SWT1: variants seen among roughly 807,000 people sequenced by gnomAD.
SWT1 encodes transcriptional protein SWT1.
SWT1 carries 33 observed loss-of-function variants against 107.3 expected under a neutral mutation model. The ratio of observed to expected loss-of-function variants is 0.31; its 90% confidence interval spans 0.23 to 0.41. SWT1 has a LOEUF of 0.41. SWT1 is among the 10% of genes least tolerant of loss of function. SWT1 has a pLI of 1.00. For missense variants in SWT1, 898 were observed against 1,028.9 expected (o/e 0.87, Z 1.74); for synonymous variants, 345 against 348.3 (o/e 0.99, Z 0.11).
chr1:185,281,069 G>C (rs1664589078), intron 18 of SWT1: 1 of 263,658 alleles, frequency 3.8e-6, no homozygotes. Context: ...CTGATTTTTA[G>C]ACCAAGATTA....
intron 4 of SWT1, among the ~76,000 whole-genome samples, chr1:185,169,704 G>C (rs1654884703): frequency 6.6e-6 from 1 of 151,740 alleles, no homozygotes; most frequent in African/African-American, 2.4e-5. Flanking sequence ...ACCAGCCTGG[G>C]CGATGTAGTG....
chr1:185,181,357 A>T (rs1484344541), intron 6 of SWT1, among the ~76,000 whole-genome samples: 2 of 152,212 alleles, frequency 1.3e-5, no homozygotes, highest in Non-Finnish European at 2.9e-5. Context: ...GCTCCTTGAT[A>T]GAAGAAAGAT....
chr1:185,209,177 AAGCATG>A (rs1216637992), intron 13 of SWT1, among the ~76,000 whole-genome samples: 2 of 152,144 alleles, frequency 1.3e-5, no homozygotes, highest in Non-Finnish European at 2.9e-5. Flanking sequence ...TCAGAAATGC[AAGCATG>A]AGCTCCCCTC....
intron 18 of SWT1, among the ~76,000 whole-genome samples, chr1:185,277,847 C>A (rs187009243): frequency 4.6e-5 from 7 of 151,608 alleles, no homozygotes; most frequent in Non-Finnish European, 5.9e-5. Flanking sequence ...TTATTTATAA[C>A]AAAAATAAGT....
chr1:185,267,912 T>C (rs748549888), intron 16 of SWT1, among the ~76,000 whole-genome samples: 13 of 152,232 alleles, frequency 8.5e-5, no homozygotes, highest in Non-Finnish European at 1.6e-4. Context: ...GAATTTTGTG[T>C]GGGGAATTAC....
intron 17 of SWT1, among the ~76,000 whole-genome samples, chr1:185,273,609 A>G (rs999447416): frequency 1.3e-5 from 2 of 151,870 alleles, no homozygotes; most frequent in Admixed American, 1.3e-4. Context: ...AGGCTGAGGC[A>G]GGAGAATTGC....
intron 16 of SWT1, among the ~76,000 whole-genome samples, chr1:185,260,924 G>A (rs927763091): frequency 6.6e-6 from 1 of 152,034 alleles, no homozygotes; most frequent in Admixed American, 6.5e-5. Flanking sequence ...ATTCTACAAA[G>A]TCTTTGGTTC....
intron 15 of SWT1, among the ~76,000 whole-genome samples, chr1:185,229,743 TATTCTCTTTTTAC>T (rs1392336728): frequency 1.3e-5 from 2 of 152,192 alleles, no homozygotes; most frequent in African/African-American, 4.8e-5. Flanking sequence ...GGGTATTACA[TATTCTCTTTTTAC>T]ATTCTCTTTT....
rs150328144 is a variant in SWT1, at chr1:185,196,291, T to A, written c.1523+5649T>A. ...TTGTTTTTGTCAGGTTTGTCAAAGA[T>A]CACATGGTTGTAGATGTTATTTCTG... is the stretch of plus-strand genomic sequence containing the variant. On this transcript the variant is annotated intron_variant, in intron 10 of 18. Transcript: ENST00000367500. Among the ~76,000 whole-genome samples, 875 of 152,270 alleles carry A rather than the reference T, an allele frequency of 5.7e-3. 8 individuals carry two copies. The highest frequency in any genetic ancestry group is 0.02 in the African/African-American group (841 of 41,548).
intron 10 of SWT1, among the ~76,000 whole-genome samples, chr1:185,197,336 T>G (rs774895039): frequency 6.6e-6 from 1 of 152,220 alleles, no homozygotes; most frequent in Non-Finnish European, 1.5e-5. Flanking sequence ...GTGGATAAGC[T>G]TTTTGATGTG....
chr1:185,282,158 C>G (rs898628505), intron 18 of SWT1, among the ~76,000 whole-genome samples: 1 of 152,170 alleles, frequency 6.6e-6, no homozygotes, highest in Non-Finnish European at 1.5e-5. Flanking sequence ...GTAAAAGACT[C>G]TTGGGGTCTA....
At chr1:185,274,518 C>T (rs1664110203) in intron 17 of SWT1, among the ~76,000 whole-genome samples, 1 of 151,908 alleles carries the variant, frequency 6.6e-6, no homozygotes, top group African/African-American at 2.4e-5. Flanking sequence ...TCAGTTACTA[C>T]ATTGGAGATA....
chr1:185,287,597 C>T (rs1219599587), intron 18 of SWT1, among the ~76,000 whole-genome samples: 1 of 152,116 alleles, frequency 6.6e-6, no homozygotes, highest in Non-Finnish European at 1.5e-5. Context: ...GTGAGTGTCC[C>T]ATCACCAGGA....
At chr1:185,286,777 C>G (rs922809581) in intron 18 of SWT1, among the ~76,000 whole-genome samples, 1 of 152,020 alleles carries the variant, frequency 6.6e-6, no homozygotes, top group Non-Finnish European at 1.5e-5. Flanking sequence ...GTTTGGATCT[C>G]TTTTATTTCT....
At chr1:185,258,537 C>G (rs1662786590) in intron 16 of SWT1, among the ~76,000 whole-genome samples, 1 of 151,944 alleles carries the variant, frequency 6.6e-6, no homozygotes. Flanking sequence ...GGTAAATATA[C>G]TGACGTGTTT....
Position 185,202,789 on chromosome 1 carries a change from G to A in SWT1, c.1659G>A (p.Gln553=). The A allele has an allele frequency of 6.6e-7, 1 of 1,520,756 alleles. No homozygotes were observed. Among genetic ancestry groups the A allele is most frequent in the Non-Finnish European group, 8.9e-7 (1 of 1,129,366 alleles). The allele number at this position is 1,520,756 out of a possible 1,614,324, so 94.2% of individuals were successfully genotyped here. A position where few individuals can be genotyped will look rare whatever the true frequency, so the allele number is the denominator to read the frequency against. Residue 553 remains glutamine, a synonymous_variant, in exon 11 of 19, where the codon CAG becomes CAA. Coordinates refer to ENST00000367500, the MANE Select transcript of SWT1 (RefSeq NM_017673.7). ...VCHQPCIPKQ[Q]LKAETTPLKE... ...ATCAGCCTTGTATTCCTAAGCAACA[G>A]TTGAAAGCAGGTAGTATTTTTACTA... is the stretch of plus-strand genomic sequence containing the variant.
chr1:185,227,840 C>T, intron 15 of SWT1: 1 of 259,070 alleles, frequency 3.9e-6, no homozygotes, highest in Non-Finnish European at 7.5e-6. Flanking sequence ...AATCCCAGCA[C>T]TTTGGGAGGC....
At chr1:185,226,132 A>G (rs888453916) in intron 15 of SWT1, among the ~76,000 whole-genome samples, 1 of 152,220 alleles carries the variant, frequency 6.6e-6, no homozygotes, top group Non-Finnish European at 1.5e-5. Context: ...GATTAAAACT[A>G]TATCTAAGAT....
chr1:185,200,545 C>G (rs1264055609), intron 10 of SWT1, among the ~76,000 whole-genome samples: 2 of 152,172 alleles, frequency 1.3e-5, no homozygotes, highest in Admixed American at 1.3e-4. Flanking sequence ...GAGTTCCACT[C>G]CAGACCTTGT....
Sources: gnomAD v4.1 joint callset for allele counts (sites outside exome capture counted in the v4.1 genomes callset) on GRCh38, gnomAD v4.1.1 for gene constraint, MANE v1.5 for transcripts, NCBI Gene and HGNC (gene_info 2026-07-23, HGNC 2026-07-21) for gene names.